NEGR1: variants seen among roughly 807,000 people sequenced by gnomAD.
NEGR1 encodes neuronal growth regulator 1, also known as IgLON family member 4.
In NEGR1, 10 loss-of-function variants were observed where a neutral mutation model predicts 40.9. The ratio of observed to expected loss-of-function variants is 0.24; its 90% CI spans 0.15 to 0.42. NEGR1 has a LOEUF of 0.42. Among genes scored for constraint, NEGR1 ranks in the 10% least tolerant of loss-of-function variants. The pLI is 1.00. For synonymous variants in NEGR1, 185 were observed against 166.8 expected (o/e 1.11, Z -0.84); for missense variants, 352 against 438.9 (o/e 0.80, Z 1.77).
At chr1:71,775,994 AAAAT>A (rs34165866) in intron 3 of NEGR1, among the ~76,000 whole-genome samples, 174 bp downstream of exon 3, 59,648 of 141,536 alleles carry the variant, frequency 0.42, 13,399 homozygotes, top group East Asian at 0.73. Context: ...CTCTGTCTCA[AAAAT>A]AAATAAATAA....
Position 71,509,501 on chromosome 1 carries a change from T to C in NEGR1, c.940+83316A>G, listed in dbSNP as rs551499055. ...TCTCCATATACCCTGGGCTTATGTC[T>C]GGTGGAATTGTGGGAAAAGGAAACT... On this transcript the variant is annotated intron_variant, in intron 6 of 6. Coordinates refer to ENST00000357731, the MANE Select transcript of NEGR1 (RefSeq NM_173808.3). 3.0e-4 allele frequency among the ~76,000 whole-genome samples: 46 copies of C among 152,326 alleles called. 1 individual carries two copies. In the South Asian group the frequency reaches 9.3e-3, roughly 31 times the overall value.
chr1:71,610,537 C>T (rs967027943), intron 5 of NEGR1, among the ~76,000 whole-genome samples: 4 of 152,188 alleles, frequency 2.6e-5, no homozygotes, highest in African/African-American at 2.4e-5. Context: ...ATCTCCTCTA[C>T]AGCCTCTTTA....
At chr1:71,837,220 C>T (rs777271645) in intron 2 of NEGR1, among the ~76,000 whole-genome samples, 2 of 152,064 alleles carry the variant, frequency 1.3e-5, no homozygotes, top group Non-Finnish European at 2.9e-5. Context: ...GAAATTATGA[C>T]TATCATTTCC....
At chr1:71,899,241 A>G (rs1233175095) in intron 2 of NEGR1, among the ~76,000 whole-genome samples, 2 of 151,928 alleles carry the variant, frequency 1.3e-5, no homozygotes, top group African/African-American at 4.8e-5. Flanking sequence ...AAGAATCCAG[A>G]ACGCAGATCT....
chr1:72,126,775 C>T (rs1034520547), intron 1 of NEGR1, among the ~76,000 whole-genome samples: 9 of 152,142 alleles, frequency 5.9e-5, no homozygotes, highest in African/African-American at 1.7e-4. Context: ...AGCTTCATGT[C>T]CTCATAAGTT....
rs370081652 is a variant in NEGR1, at chr1:71,740,484, A to G, written c.535+35688T>C. Among the ~76,000 whole-genome samples the G allele has an allele frequency of 9.9e-5, 15 of 152,270 alleles. No individual in the cohort carries two copies. In the East Asian group the frequency reaches 1.7e-3, roughly 18 times the overall value. The stretch of plus-strand genomic sequence containing the variant: ...AGCTAAATTTTCCTAACGAGACACT[A>G]TCCACATCCTAGGAATGAGGTTGCA... On this transcript the variant is annotated intron_variant, in intron 3 of 6. Coordinates refer to ENST00000357731, the MANE Select transcript of NEGR1 (RefSeq NM_173808.3).
chr1:72,096,045 G>A (rs950606240), intron 1 of NEGR1, among the ~76,000 whole-genome samples: 16 of 151,772 alleles, frequency 1.1e-4, no homozygotes, highest in Non-Finnish European at 2.4e-4. Flanking sequence ...AAGACTTTAC[G>A]AGGCCTCAAA....
At chr1:71,929,357 C>T (rs1645832966) in intron 2 of NEGR1, among the ~76,000 whole-genome samples, 1 of 152,038 alleles carries the variant, frequency 6.6e-6, no homozygotes, top group Non-Finnish European at 1.5e-5. Context: ...ATTTTTATTT[C>T]ATATGGTTTA....
chr1:71,888,552 G>A (rs1310561694), intron 2 of NEGR1, among the ~76,000 whole-genome samples: 7 of 150,882 alleles, frequency 4.6e-5, no homozygotes, highest in Non-Finnish European at 1.0e-4. Context: ...CCCACACCTG[G>A]CTGAGAGGGT....
chr1:71,616,471 T>A (rs1650449691), intron 4 of NEGR1, among the ~76,000 whole-genome samples: 1 of 152,214 alleles, frequency 6.6e-6, no homozygotes, highest in African/African-American at 2.4e-5. Context: ...TACAGACTAA[T>A]GTTAACAGAG....
chr1:71,962,436 C>T lies in NEGR1; in HGVS notation c.177-27125G>A, dbSNP rs1489372576. 4.6e-5 allele frequency among the ~76,000 whole-genome samples: 7 copies of T among 151,968 alleles called. No individual in the cohort carries two copies. The East Asian group carries it at 1.2e-3, about 25-fold the overall frequency. ...TTTACTTGCTCTCAAGTAAAATGAG[C>T]AGGAATGAACATTTACAAAAGAAAT... is the stretch of plus-strand genomic sequence containing the variant. On this transcript the variant is annotated intron_variant, in intron 1 of 6. Transcript: ENST00000357731.
intron 3 of NEGR1, among the ~76,000 whole-genome samples, chr1:71,758,757 A>G (rs1380201742): frequency 2.6e-5 from 4 of 152,144 alleles, no homozygotes; most frequent in African/African-American, 9.7e-5. Flanking sequence ...ATTGCCAAGG[A>G]CACATTGGGT....
intron 6 of NEGR1, among the ~76,000 whole-genome samples, chr1:71,564,527 C>T (rs1648557739): frequency 1.3e-5 from 2 of 152,064 alleles, no homozygotes; most frequent in African/African-American, 4.8e-5. Context: ...AAACCCAGTA[C>T]TTCCTTTACT....
intron 1 of NEGR1, among the ~76,000 whole-genome samples, chr1:71,983,757 TG>T (rs1362902582): frequency 3.3e-5 from 5 of 152,190 alleles, no homozygotes; most frequent in Non-Finnish European, 5.9e-5. Flanking sequence ...ACTGTGCATC[TG>T]TATTCAACAA....
chr1:71,982,183 A>G (rs980307947), intron 1 of NEGR1, among the ~76,000 whole-genome samples: 10 of 152,310 alleles, frequency 6.6e-5, no homozygotes, highest in Non-Finnish European at 1.2e-4. Flanking sequence ...TCTTTTTTTC[A>G]GACTTTACAA....
chr1:72,252,289 C>T (rs1172068281), intron 1 of NEGR1, among the ~76,000 whole-genome samples: 3 of 152,068 alleles, frequency 2.0e-5, no homozygotes, highest in Non-Finnish European at 4.4e-5. Flanking sequence ...CGTGATCCAC[C>T]CACCTCAGCC....
chr1:71,985,292 C>T (rs990085219), intron 1 of NEGR1, among the ~76,000 whole-genome samples: 4 of 152,112 alleles, frequency 2.6e-5, no homozygotes, highest in Non-Finnish European at 5.9e-5. Flanking sequence ...TATGAAGATA[C>T]GCTGGCTATT....
At chr1:71,577,118 T>C (rs1483658796) in intron 6 of NEGR1, among the ~76,000 whole-genome samples, 1 of 152,154 alleles carries the variant, frequency 6.6e-6, no homozygotes, top group Non-Finnish European at 1.5e-5. Flanking sequence ...GAATTGTAAT[T>C]TTTTTTGTCA....
At chr1:72,153,174 A>T (rs1232623539) in intron 1 of NEGR1, among the ~76,000 whole-genome samples, 1 of 151,900 alleles carries the variant, frequency 6.6e-6, no homozygotes, top group Non-Finnish European at 1.5e-5. Flanking sequence ...CTTAAGAAGT[A>T]AGAAAACAAA....
Sources: allele counts gnomAD v4.1 joint callset (sites outside exome capture counted in the v4.1 genomes callset), GRCh38; gene constraint gnomAD v4.1.1; transcripts MANE v1.5; gene names NCBI Gene and HGNC (gene_info 2026-07-23, HGNC 2026-07-21).